Variants in KCNIP1 observed in about 807,000 individuals in gnomAD.
KCNIP1 encodes the protein A-type potassium channel modulatory protein KCNIP1.
Under a neutral mutation model 33.0 loss-of-function variants are expected in KCNIP1, and 18 were observed. The observed-to-expected ratio is 0.55, with a 90% CI of 0.38 to 0.81. The LOEUF (loss-of-function observed/expected upper bound fraction) is 0.81, where lower values mean the gene tolerates loss of function less well. KCNIP1 is among the 30% of genes least tolerant of loss of function. The pLI, the probability that KCNIP1 is intolerant of heterozygous loss-of-function variation, is 0.00. For synonymous variants in KCNIP1, 93 were observed against 98.3 expected (o/e 0.95, Z 0.32); for missense variants, 238 against 271.6 (o/e 0.88, Z 0.87).
At chr5:170,619,760 T>C (rs1468436874) in intron 1 of KCNIP1, among the ~76,000 whole-genome samples, 3 of 152,206 alleles carry the variant, frequency 2.0e-5, no homozygotes, top group Non-Finnish European at 4.4e-5. Context: ...TCTTGGTACC[T>C]TTGCCAAACA....
intron 1 of KCNIP1, among the ~76,000 whole-genome samples, chr5:170,521,522 G>C (rs1276084297): frequency 6.6e-6 from 1 of 152,196 alleles, no homozygotes; most frequent in Non-Finnish European, 1.5e-5. Context: ...TGAACTTTCA[G>C]AATCCCATTT....
In KCNIP1 at chr5:170,385,416, C is replaced by T. The variant is rs201275787; in HGVS notation, c.88+31452C>T. 9.8e-4 allele frequency: 1,578 copies of T among 1,614,066 alleles called. 1 individual carries two copies. The highest frequency in any genetic ancestry group is 1.2e-3 in the Non-Finnish European group (1,437 of 1,180,006). ...CAGGCAAAGGGCTCGTGTCTCTCCCCGCTTCTGGGCCATCACCAGCTTCTT... is the reference window on the plus strand; with the variant it reads ...CAGGCAAAGGGCTCGTGTCTCTCCCTGCTTCTGGGCCATCACCAGCTTCTT... On this transcript the variant is annotated intron_variant, in intron 1 of 7. Transcript: ENST00000377360.
intron 5 of KCNIP1, among the ~76,000 whole-genome samples, chr5:170,726,389 T>C (rs1010915134): frequency 8.5e-5 from 13 of 152,166 alleles, no homozygotes; most frequent in African/African-American, 3.1e-4. Context: ...TTGCTCTATA[T>C]CACTGGTCTT....
At chr5:170,502,234 A>G (rs1757428142), upstream of KCNIP1, among the ~76,000 whole-genome samples, 1 of 152,352 alleles carries the variant, frequency 6.6e-6, no homozygotes, top group African/African-American at 2.4e-5. Flanking sequence ...GCAGTGGGCA[A>G]TGCAAAGGAA....
rs70979194 is a variant in KCNIP1, at chr5:170,652,527, A to AAAAAG, written c.62-66206_62-66202dup. ...GAAGGAAGGAAGGAAGGAGAAAAGAAAAAAGAAAAGAAAAGAAAAGAAAAG... is the reference window on the plus strand; with the variant it reads ...GAAGGAAGGAAGGAAGGAGAAAAGAAAAAAGAAAAGAAAAGAAAAGAAAAGAAAAG... On this transcript the variant is annotated intron_variant, in intron 1 of 7. Transcript: ENST00000328939. Among the ~76,000 whole-genome samples the AAAAAG allele has an allele frequency of 2.7e-3, 313 of 113,838 alleles. 2 individuals carry two copies. Among genetic ancestry groups the AAAAAG allele is most frequent in the African/African-American group, 6.9e-3 (210 of 30,616 alleles). 74.7% of individuals were successfully genotyped at this position (113,838 alleles called of 152,430 possible).
chr5:170,495,376 G>T (rs779032784), intron 1 of KCNIP1, among the ~76,000 whole-genome samples: 6 of 152,198 alleles, frequency 3.9e-5, no homozygotes, highest in Non-Finnish European at 7.3e-5. Context: ...TACCGGACTT[G>T]CCCAGGAGAG....
At position 170,504,422 on chromosome 5, in the gene KCNIP1, G is replaced by A; in HGVS notation, c.-151G>A. 2 of 1,473,554 alleles carry A rather than the reference G, an allele frequency of 1.4e-6. No homozygotes were observed. Among genetic ancestry groups the A allele is most frequent in the Admixed American group, 2.5e-5 (1 of 39,858 alleles). The allele number at this position is 1,473,554 out of a possible 1,614,324, so 91.3% of individuals were successfully genotyped here. On this transcript the variant is annotated 5_prime_UTR_variant, in exon 1 of 8. Transcript: ENST00000328939. The surrounding 1 kb of genome is among the most constrained non-coding windows in gnomAD (Gnocchi z 6.0). Reference sequence around the variant, plus strand: ...AGGAAGCCAGAAGCCTCCTAGCCTCGCCTCCACGCTTGCTGAATACCAAGC... The same window carrying A: ...AGGAAGCCAGAAGCCTCCTAGCCTCACCTCCACGCTTGCTGAATACCAAGC...
chr5:170,578,383 G>C (rs971960720), intron 1 of KCNIP1, among the ~76,000 whole-genome samples: 1 of 152,172 alleles, frequency 6.6e-6, no homozygotes, highest in Admixed American at 6.5e-5. Context: ...GGGTGGGAGT[G>C]GGGGAACTGG....
chr5:170,668,613 G>A (rs1761800525), intron 1 of KCNIP1, among the ~76,000 whole-genome samples: 1 of 152,218 alleles, frequency 6.6e-6, no homozygotes, highest in Non-Finnish European at 1.5e-5. Context: ...GGCATGCTTG[G>A]CTCAGGTTCC....
intron 1 of KCNIP1, among the ~76,000 whole-genome samples, chr5:170,476,012 C>T (rs1480880625): frequency 6.6e-6 from 1 of 151,992 alleles, no homozygotes; most frequent in African/African-American, 2.4e-5. Context: ...CTCTGTCACC[C>T]AGGCTGGAAT....
chr5:170,653,684 T>C (rs1306838846), intron 1 of KCNIP1, among the ~76,000 whole-genome samples: 2 of 150,450 alleles, frequency 1.3e-5, no homozygotes, highest in Non-Finnish European at 3.0e-5. Flanking sequence ...AGTCTCCTTC[T>C]CTCTCTCTCT....
At chr5:170,694,623 T>C (rs1162259098) in intron 1 of KCNIP1, among the ~76,000 whole-genome samples, 1 of 152,180 alleles carries the variant, frequency 6.6e-6, no homozygotes. Flanking sequence ...AATGTAAATT[T>C]AAAAAATAAT....
At chr5:170,497,618 T>A (rs2113215423) in intron 1 of KCNIP1, among the ~76,000 whole-genome samples, 1 of 152,282 alleles carries the variant, frequency 6.6e-6, no homozygotes, top group Admixed American at 6.5e-5. Context: ...TAACCACCCG[T>A]CCCCTTTCAA....
At chr5:170,369,473 A>G (rs1282391787) in intron 1 of KCNIP1, among the ~76,000 whole-genome samples, 9 of 152,174 alleles carry the variant, frequency 5.9e-5, no homozygotes, top group Admixed American at 5.9e-4. Flanking sequence ...AGCTTTGGAA[A>G]CTTTTCTTGC....
chr5:170,415,161 C>T (rs973096429), intron 1 of KCNIP1, among the ~76,000 whole-genome samples: 1 of 152,088 alleles, frequency 6.6e-6, no homozygotes, highest in East Asian at 1.9e-4. Flanking sequence ...CCCACGAGGA[C>T]GTTGTTTCAT....
Position 170,665,425 on chromosome 5 carries a change from G to A in KCNIP1, c.62-53333G>A, listed in dbSNP as rs113329508. The stretch of plus-strand genomic sequence containing the variant: ...AGATCATCCCAAGCCTTTGTAATAC[G>A]CCTGTCTCTCCTGCCATGCTCTGTT... On this transcript the variant is annotated intron_variant, in intron 1 of 7. Coordinates refer to ENST00000328939, the MANE Select transcript of KCNIP1 (RefSeq NM_014592.4). Among the ~76,000 whole-genome samples the A allele has an allele frequency of 1.2e-4, 18 of 152,088 alleles. No homozygotes were observed. The South Asian group carries it at 2.9e-3, about 25-fold the overall frequency.
At chr5:170,560,115 G>A (rs920984830) in intron 1 of KCNIP1, among the ~76,000 whole-genome samples, 1 of 152,120 alleles carries the variant, frequency 6.6e-6, no homozygotes, top group African/African-American at 2.4e-5. Context: ...TGGCACCTGG[G>A]GACCTCTCAG....
chr5:170,640,934 A>G (rs759607104), intron 1 of KCNIP1, among the ~76,000 whole-genome samples: 65 of 152,254 alleles, frequency 4.3e-4, no homozygotes, highest in Middle Eastern at 6.8e-3. Flanking sequence ...AGAGGAACCA[A>G]AACTCCACCC....
chr5:170,667,624 C>T (rs1349167783), intron 1 of KCNIP1, among the ~76,000 whole-genome samples: 1 of 152,174 alleles, frequency 6.6e-6, no homozygotes, highest in Non-Finnish European at 1.5e-5. Context: ...AACATGGGCT[C>T]TAGAGCCAGG....
Sources: allele counts gnomAD v4.1 joint callset (sites outside exome capture counted in the v4.1 genomes callset), GRCh38; gene constraint gnomAD v4.1.1; non-coding constraint Gnocchi (gnomAD v3.1); transcripts MANE v1.5; gene names NCBI Gene and HGNC (gene_info 2026-07-23, HGNC 2026-07-21).